Variants in PFKFB3 observed in about 807,000 individuals in gnomAD.
PFKFB3 encodes the protein 6-phosphofructo-2-kinase/fructose-2,6-bisphosphatase 3.
Under a neutral mutation model 68.0 loss-of-function variants are expected in PFKFB3, and 33 were observed. That is an observed-to-expected ratio of 0.49 (90% CI 0.37 to 0.65). The LOEUF (loss-of-function observed/expected upper bound fraction) is 0.65, where lower values mean the gene tolerates loss of function less well. Ranked by LOEUF, PFKFB3 falls within the 30% of genes least tolerant of loss-of-function variation. PFKFB3 has a pLI of 0.00. For missense variants in PFKFB3, 586 were observed against 712.2 expected (o/e 0.82, Z 2.02); for synonymous variants, 315 against 288.2 (o/e 1.09, Z -0.94).
chr10:6,252,481 G>A (rs1341926), intron 14 of PFKFB3, among the ~76,000 whole-genome samples: 99,716 of 152,072 alleles, frequency 0.66, 37,113 homozygotes, highest in Non-Finnish European at 0.84. Context: ...TGCAGACAAA[G>A]GCTTATAAAG....
At chr10:6,292,099 A>G in the PFKFB3 span, among the ~76,000 whole-genome samples, 1 of 146,236 alleles carries the variant, frequency 6.8e-6, no homozygotes, top group Admixed American at 6.8e-5. Context: ...GATTACAGGC[A>G]TGTGCCACCA....
At chr10:6,217,425 G>A (rs1185689401) in intron 6 of PFKFB3, among the ~76,000 whole-genome samples, 3 of 152,238 alleles carry the variant, frequency 2.0e-5, no homozygotes, top group South Asian at 2.1e-4. Flanking sequence ...TGGATGGGAC[G>A]TAGGAAATAA....
In PFKFB3 at chr10:6,203,344, C is replaced by T; in HGVS notation, c.76+8C>T. ...GGCCCTCGTTGCCCAGATGTGAGTG[C>T]AGCTGCGCGGAGCCGGGTTGCAGGG... On this transcript the variant is annotated splice_region_variant and intron_variant, in intron 1 of 14. Transcript: ENST00000379775. 2 of 1,595,172 alleles carry T rather than the reference C, an allele frequency of 1.3e-6. No homozygotes were observed. Among genetic ancestry groups the T allele is most frequent in the Non-Finnish European group, 8.5e-7 (1 of 1,170,786 alleles).
At chr10:6,156,499 A>ATTAG (rs1430699876) in intron 1 of PFKFB3, among the ~76,000 whole-genome samples, 1 of 149,754 alleles carries the variant, frequency 6.7e-6, no homozygotes, top group African/African-American at 2.5e-5. Flanking sequence ...TAATTAATTA[A>ATTAG]TTAATTACTT....
Position 6,216,152 on chromosome 10 carries a change from T to C in PFKFB3, c.327T>C (p.Asp109=). 1 of 1,614,082 alleles carries C rather than the reference T, an allele frequency of 6.2e-7. No homozygotes were observed. The highest frequency in any genetic ancestry group is 8.5e-7 in the Non-Finnish European group (1 of 1,179,974). ...RKQCALAALR[D]VKSYLAKEGG... is the part of the protein sequence containing the mutation. ...AATGTGCCTTAGCTGCCTTGAGAGA[T>C]GTCAAAAGCTACCTGGCGAAAGAAG... Residue 109 remains aspartate, a synonymous_variant, in exon 4 of 15, where the codon GAT becomes GAC. Transcript: ENST00000379775.
At chr10:6,223,375 C>G (rs913941438) in intron 11 of PFKFB3, among the ~76,000 whole-genome samples, 1 of 152,188 alleles carries the variant, frequency 6.6e-6, no homozygotes, top group African/African-American at 2.4e-5. Flanking sequence ...CATGTCCAGT[C>G]CAGTGCAGCT....
At chr10:6,198,084 GA>G (rs1295227442), upstream of PFKFB3, among the ~76,000 whole-genome samples, 1 of 151,520 alleles carries the variant, frequency 6.6e-6, no homozygotes, top group Admixed American at 6.6e-5. Flanking sequence ...CTCTACTAAA[GA>G]TACAAAAAAA....
At chr10:6,225,221 A>C (rs1193882825) in intron 13 of PFKFB3, 1 of 456,122 alleles carries the variant, frequency 2.2e-6, no homozygotes, top group African/African-American at 2.0e-5. Context: ...ACCGAGCGTG[A>C]CTTTCTGTCA....
chr10:6,320,665 T>A, the PFKFB3 span, among the ~76,000 whole-genome samples: 6 of 152,256 alleles, frequency 3.9e-5, no homozygotes, highest in African/African-American at 1.4e-4. Flanking sequence ...GCTTAAGGGA[T>A]CCTCCTGCCT....
At chr10:6,263,831 G>A in the PFKFB3 span, among the ~76,000 whole-genome samples, 20 of 152,166 alleles carry the variant, frequency 1.3e-4, no homozygotes, top group Non-Finnish European at 2.6e-4. Context: ...TATTAAAGGC[G>A]TGTGCCACCA....
intron 1 of PFKFB3, among the ~76,000 whole-genome samples, chr10:6,192,681 G>A (rs1354224130): frequency 5.4e-5 from 8 of 149,212 alleles, no homozygotes; most frequent in Admixed American, 3.3e-4. Flanking sequence ...GTGTGTGTGT[G>A]TGTGTGTGTG....
At chr10:6,259,443 G>C (rs1236965094), downstream of PFKFB3, among the ~76,000 whole-genome samples, 2 of 137,990 alleles carry the variant, frequency 1.4e-5, no homozygotes, top group African/African-American at 5.5e-5. Flanking sequence ...TCCACCCATT[G>C]ATCCATTCAT....
downstream of PFKFB3, among the ~76,000 whole-genome samples, chr10:6,237,313 T>C (rs1160405734): frequency 6.6e-6 from 1 of 152,234 alleles, no homozygotes; most frequent in Non-Finnish European, 1.5e-5. Flanking sequence ...TCATCGTCCA[T>C]ACGGACCTGG....
chr10:6,168,812 C>T (rs548193701), intron 1 of PFKFB3, among the ~76,000 whole-genome samples: 50 of 152,262 alleles, frequency 3.3e-4, no homozygotes, highest in Admixed American at 1.2e-3. Flanking sequence ...TGAATGTGCG[C>T]GACAGGAGCG....
At chr10:6,190,730 A>G (rs1388471473) in intron 1 of PFKFB3, among the ~76,000 whole-genome samples, 2 of 152,170 alleles carry the variant, frequency 1.3e-5, no homozygotes, top group African/African-American at 4.8e-5. Context: ...ATATATCCAC[A>G]TCATCTTCCC....
the PFKFB3 span, among the ~76,000 whole-genome samples, chr10:6,287,568 A>G: frequency 6.6e-6 from 1 of 152,180 alleles, no homozygotes; most frequent in Non-Finnish European, 1.5e-5. Flanking sequence ...AGTAGGCTAT[A>G]CTATCTAGGT....
At chr10:6,144,925 C>G (rs906576238), upstream of PFKFB3, 23 of 1,165,178 alleles carry the variant, frequency 2.0e-5, no homozygotes, top group Admixed American at 3.9e-4. Flanking sequence ...CGCCCCGAGT[C>G]GCGGGGCTGC....
chr10:6,196,892 G>A (rs541200630), intron 1 of PFKFB3, among the ~76,000 whole-genome samples: 2 of 151,760 alleles, frequency 1.3e-5, no homozygotes, highest in Admixed American at 6.6e-5. Flanking sequence ...TCCTCCCCCC[G>A]TCACGCTCCC....
intron 11 of PFKFB3, among the ~76,000 whole-genome samples, chr10:6,223,611 C>A (rs1282875816): frequency 4.6e-5 from 7 of 152,176 alleles, no homozygotes; most frequent in Admixed American, 4.6e-4. Flanking sequence ...CCATGCCTCC[C>A]CCACCCTCAT....
Sources: gnomAD v4.1 joint callset for allele counts (sites outside exome capture counted in the v4.1 genomes callset) on GRCh38, gnomAD v4.1.1 for gene constraint, MANE v1.5 for transcripts, NCBI Gene and HGNC (gene_info 2026-07-23, HGNC 2026-07-21) for gene names.